The following MAD1L1 variants were observed in gnomAD, a reference collection of about 807,000 sequenced individuals.
MAD1L1 encodes mitotic arrest deficient 1 like 1.
Under a neutral mutation model 96.9 loss-of-function variants are expected in MAD1L1, and 95 were observed. The observed-to-expected ratio is 0.98, with a 90% CI of 0.83 to 1.16. The LOEUF (loss-of-function observed/expected upper bound fraction) is 1.16. Among genes scored for constraint, MAD1L1 ranks in the 50% most tolerant of loss-of-function variants. The pLI is 0.00. For synonymous variants in MAD1L1, 473 were observed against 396.6 expected, an observed-to-expected ratio of 1.19 and a Z score of -2.29; for missense variants, 1,007 against 954.4, an observed-to-expected ratio of 1.06 and a Z score of -0.73.
chr7:1,887,617 G>C (rs974921094), intron 18 of MAD1L1, among the ~76,000 whole-genome samples: 11 of 151,626 alleles, frequency 7.3e-5, no homozygotes, highest in African/African-American at 2.7e-4. Context: ...GTGGCTGCCT[G>C]TGCATGGGCA....
intron 11 of MAD1L1, among the ~76,000 whole-genome samples, chr7:2,121,415 C>T (rs945363037): frequency 6.6e-5 from 10 of 152,176 alleles, no homozygotes; most frequent in Admixed American, 4.6e-4. Context: ...TGGAGCCTCC[C>T]GGGCAGTGGC....
In MAD1L1 at chr7:2,218,059, T is replaced by C; in HGVS notation, c.597-16A>G. ...CTGGCATTTTCTATTGAAAGAAAAATACATCACACACAGAAACAGGCATGC... is the reference window on the plus strand; with the variant it reads ...CTGGCATTTTCTATTGAAAGAAAAACACATCACACACAGAAACAGGCATGC... On this transcript the variant is annotated splice_polypyrimidine_tract_variant and intron_variant, in intron 6 of 18. Coordinates refer to ENST00000265854, the MANE Select transcript of MAD1L1 (RefSeq NM_001013836.2). 8 of 1,598,506 alleles carry C rather than the reference T, an allele frequency of 5.0e-6. No homozygotes were observed. Among genetic ancestry groups the C allele is most frequent in the Non-Finnish European group, 6.9e-6 (8 of 1,165,976 alleles).
At chr7:2,123,600 G>A (rs953893701) in intron 11 of MAD1L1, among the ~76,000 whole-genome samples, 7 of 152,188 alleles carry the variant, frequency 4.6e-5, no homozygotes, top group Non-Finnish European at 1.0e-4. Context: ...CCAAGGGCAC[G>A]CATGGGAGGC....
chr7:1,926,728 T>G (rs1463019675), intron 17 of MAD1L1, among the ~76,000 whole-genome samples: 1 of 152,112 alleles, frequency 6.6e-6, no homozygotes, highest in Admixed American at 6.5e-5. Flanking sequence ...GAAAGAGCGT[T>G]TTCAGCTTGA....
chr7:1,833,398 G>A (rs1413361298), intron 18 of MAD1L1, among the ~76,000 whole-genome samples: 1 of 152,160 alleles, frequency 6.6e-6, no homozygotes, highest in Non-Finnish European at 1.5e-5. Flanking sequence ...AACAAAAACT[G>A]GAATGCAAGA....
At chr7:1,858,425 T>G (rs1270139508) in intron 18 of MAD1L1, among the ~76,000 whole-genome samples, 1 of 152,256 alleles carries the variant, frequency 6.6e-6, no homozygotes, top group East Asian at 1.9e-4. Flanking sequence ...CCTTGGTTTC[T>G]GAGGCCTCCC....
At chr7:1,985,634 C>A (rs1294106287) in intron 14 of MAD1L1, among the ~76,000 whole-genome samples, 1 of 152,250 alleles carries the variant, frequency 6.6e-6, no homozygotes, top group African/African-American at 2.4e-5. Flanking sequence ...CCTGACACTT[C>A]TTTTTGAATA....
rs1314101414 is a variant in MAD1L1, at chr7:1,847,411, G to C, written c.1999-31183C>G. ...TGACTTGGGAAGATGTGGGGGGCCC[G>C]ATGTATCTACCAGGAGACAGTGGAG... On this transcript the variant is annotated intron_variant, in intron 18 of 18. Coordinates refer to ENST00000265854, the MANE Select transcript of MAD1L1 (RefSeq NM_001013836.2). The C allele has an allele frequency of 1.1e-5, 5 of 470,776 alleles. No homozygotes were observed. The East Asian group carries it at 2.8e-4, about 26-fold the overall frequency. 29.2% of individuals were successfully genotyped at this position (470,776 alleles called of 1,614,324 possible).
At chr7:2,215,773 C>T in intron 9 of MAD1L1, 112 bp downstream of exon 9, 1 of 972,150 alleles carries the variant, frequency 1.0e-6, no homozygotes, top group Non-Finnish European at 1.6e-6. Context: ...CACCCCATCA[C>T]AGCAACCTCC....
rs1305081074 is a variant in MAD1L1, at chr7:1,834,044, C to CA, written c.1999-17817dup. Among the ~76,000 whole-genome samples, 7 of 152,200 alleles carry CA rather than the reference C, an allele frequency of 4.6e-5. No individual in the cohort carries two copies. The East Asian group carries it at 1.2e-3, about 25-fold the overall frequency. Reference sequence around the variant, plus strand: ...TAACAGAACGGCATCTGGAGATTTTCAAAAAATGTGGAAACTAACACACTT... The same window carrying CA: ...TAACAGAACGGCATCTGGAGATTTTCAAAAAAATGTGGAAACTAACACACTT... On this transcript the variant is annotated intron_variant, in intron 18 of 18. Transcript: ENST00000265854.
intron 15 of MAD1L1, among the ~76,000 whole-genome samples, chr7:1,975,060 T>C (rs1554315325): frequency 1.3e-5 from 2 of 152,210 alleles, no homozygotes; most frequent in Non-Finnish European, 2.9e-5. Context: ...GGCAGTGGGC[T>C]GGGGACAGCT....
intron 18 of MAD1L1, among the ~76,000 whole-genome samples, chr7:1,853,445 G>A (rs987506409): frequency 5.3e-5 from 8 of 152,146 alleles, no homozygotes; most frequent in African/African-American, 1.2e-4. Flanking sequence ...CGCTCAGCCC[G>A]GTCAGGCATC....
chr7:2,014,724 A>G, intron 12 of MAD1L1, 82 bp from the exon 13 acceptor site: 1 of 1,455,594 alleles, frequency 6.9e-7, no homozygotes, highest in Non-Finnish European at 9.1e-7. Context: ...AGGCCCCACG[A>G]GAGCTGGGTC....
intron 18 of MAD1L1, among the ~76,000 whole-genome samples, chr7:1,872,306 A>G (rs1009388288): frequency 2.0e-5 from 3 of 152,224 alleles, no homozygotes; most frequent in Non-Finnish European, 4.4e-5. Flanking sequence ...ATGACAGGTC[A>G]TGCCCAGCGG....
chr7:1,914,028 C>CCCA (rs1788196323), intron 17 of MAD1L1, among the ~76,000 whole-genome samples: 1 of 150,984 alleles, frequency 6.6e-6, no homozygotes, highest in Admixed American at 6.6e-5. Flanking sequence ...TCTCCCCCCC[C>CCCA]AGCACGCCTG....
chr7:2,046,750 G>T (rs185029246), intron 12 of MAD1L1, among the ~76,000 whole-genome samples: 1 of 152,194 alleles, frequency 6.6e-6, no homozygotes, highest in African/African-American at 2.4e-5. Flanking sequence ...GGGAAAAGAG[G>T]TGAGTCCTTT....
chr7:1,866,681 C>T (rs565468039), intron 18 of MAD1L1, among the ~76,000 whole-genome samples: 41 of 152,262 alleles, frequency 2.7e-4, no homozygotes, highest in African/African-American at 8.9e-4. Context: ...TCCTGCTTGG[C>T]GGGAGCGTTG....
At chr7:1,976,630 G>C (rs955352468) in intron 15 of MAD1L1, among the ~76,000 whole-genome samples, 1 of 152,188 alleles carries the variant, frequency 6.6e-6, no homozygotes, top group East Asian at 1.9e-4. Context: ...GCCGCTGCTA[G>C]CTCTGGCAGC....
intron 11 of MAD1L1, among the ~76,000 whole-genome samples, chr7:2,124,893 G>A (rs1167894167): frequency 6.6e-6 from 1 of 152,210 alleles, no homozygotes; most frequent in Non-Finnish European, 1.5e-5. Flanking sequence ...GGGCCTCCCT[G>A]GAGCTTGAGA....
Sources: gnomAD v4.1 joint callset for allele counts (sites outside exome capture counted in the v4.1 genomes callset) on GRCh38, gnomAD v4.1.1 for gene constraint, MANE v1.5 for transcripts, NCBI Gene and HGNC (gene_info 2026-07-23, HGNC 2026-07-21) for gene names.